Variants in ATXN1 observed in about 807,000 individuals in gnomAD.
The protein encoded by ATXN1 is ataxin 1, also known as ataxin-1.
A neutral mutation model predicts 56.4 loss-of-function variants in ATXN1; 8 were observed. The ratio of observed to expected loss-of-function variants is 0.14; its 90% CI spans 0.08 to 0.26. The LOEUF is 0.26. Ranked by LOEUF, ATXN1 falls within the 10% of genes least tolerant of loss-of-function variation. The pLI, the probability that ATXN1 is intolerant of heterozygous loss-of-function variation, is 1.00. For missense variants in ATXN1, 987 were observed against 1,106.5 expected (o/e 0.89, Z 1.53); for synonymous variants, 514 against 494.6 (o/e 1.04, Z -0.52).
chr6:16,327,848 C>G lies in ATXN1; in HGVS notation c.463G>C (p.Val155Leu), dbSNP rs760989672. The change falls in exon 7 of 8, where the codon GTC (valine) becomes CTC (leucine). Residue 155 changes from valine to leucine, a missense_variant. Val to Leu is a conservative substitution (Grantham distance 32). Transcript: ENST00000436367. The stretch of plus-strand genomic sequence containing the variant: ...GCGGCCGAGGCCACTGCACTGGTGA[C>G]GGGGTTGGCGGTTGGGGGGATCAGC... ...SQLIPPTANPVTSAVASAAGA... is the reference protein window; with the variant it reads ...SQLIPPTANPLTSAVASAAGA... 6.2e-7 allele frequency: 1 copy of G among 1,607,756 alleles called. No homozygotes were observed. The highest frequency in any genetic ancestry group is 1.3e-5 in the African/African-American group (1 of 74,932).
intron 4 of ATXN1, among the ~76,000 whole-genome samples, chr6:16,575,749 T>G (rs1244183366): frequency 6.6e-6 from 1 of 152,184 alleles, no homozygotes; most frequent in Non-Finnish European, 1.5e-5. Flanking sequence ...AAGTCCTTAT[T>G]AAAAGTATTA....
chr6:16,306,644 T>G lies in ATXN1; in HGVS notation c.2133A>C (p.Ser711=). The change falls in exon 8 of 8, where the codon TCA becomes TCC. Residue 711 remains serine (S), a synonymous_variant. Coordinates refer to ENST00000436367, the MANE Select transcript of ATXN1 (RefSeq NM_001128164.2). This position sits in a 1 kb window ranked among gnomAD's most constrained non-coding sequence, Gnocchi z 5.2. ...TGCTGCCCGCCAGGCCGTCGGCCTTTGAGTGCTTCAGCAGGACGCTGGCGG... is the reference window on the plus strand; with the variant it reads ...TGCTGCCCGCCAGGCCGTCGGCCTTGGAGTGCTTCAGCAGGACGCTGGCGG... ...VDPASVLLKH[S]KADGLAGSRH... The G allele has an allele frequency of 1.2e-6, 2 of 1,614,232 alleles. No homozygotes were observed. Among genetic ancestry groups the G allele is most frequent in the Non-Finnish European group, 1.7e-6 (2 of 1,180,032 alleles).
At chr6:16,755,641 T>G (rs1760865766) in intron 1 of ATXN1, among the ~76,000 whole-genome samples, 1 of 151,646 alleles carries the variant, frequency 6.6e-6, no homozygotes, top group Admixed American at 6.6e-5. Flanking sequence ...TATAGGTTAG[T>G]AGCTACAATA....
intron 4 of ATXN1, among the ~76,000 whole-genome samples, chr6:16,562,899 T>G (rs958681254): frequency 1.3e-5 from 2 of 151,376 alleles, no homozygotes; most frequent in Non-Finnish European, 2.9e-5. Context: ...AAGGTTTTGG[T>G]TAAGATGAAG....
chr6:16,653,827 G>T (rs1365211095), intron 3 of ATXN1, among the ~76,000 whole-genome samples: 2 of 152,214 alleles, frequency 1.3e-5, no homozygotes, highest in South Asian at 4.1e-4. Flanking sequence ...CTCATGGCTT[G>T]ATGTTGCTTA....
chr6:16,412,866 G>T (rs920759109), intron 6 of ATXN1, among the ~76,000 whole-genome samples: 7 of 152,220 alleles, frequency 4.6e-5, no homozygotes, highest in African/African-American at 1.4e-4. Context: ...TGACTGCCTT[G>T]GGGAGAGAGT....
At chr6:16,706,403 G>A (rs914331751) in intron 2 of ATXN1, among the ~76,000 whole-genome samples, 3 of 152,118 alleles carry the variant, frequency 2.0e-5, no homozygotes, top group African/African-American at 7.2e-5. Context: ...GAAAGAGAAC[G>A]AGAGGCAGAG....
intron 6 of ATXN1, among the ~76,000 whole-genome samples, chr6:16,367,169 A>G (rs916913220): frequency 2.0e-5 from 3 of 152,194 alleles, no homozygotes; most frequent in African/African-American, 7.2e-5. Flanking sequence ...AGTCTCATGG[A>G]AAGCACACAT....
At chr6:16,694,683 A>G (rs1759124110) in intron 2 of ATXN1, among the ~76,000 whole-genome samples, 1 of 152,226 alleles carries the variant, frequency 6.6e-6, no homozygotes, top group South Asian at 2.1e-4. Context: ...AGAGAGAAAC[A>G]AGTGGTCGTC....
chr6:16,670,679 C>T (rs1581350031), intron 2 of ATXN1, among the ~76,000 whole-genome samples: 1 of 152,158 alleles, frequency 6.6e-6, no homozygotes, highest in Admixed American at 6.5e-5. Context: ...ACTGCCAAGT[C>T]GCATTGATGC....
intron 2 of ATXN1, among the ~76,000 whole-genome samples, chr6:16,747,035 A>C (rs1246178611): frequency 6.6e-6 from 1 of 152,212 alleles, no homozygotes; most frequent in Non-Finnish European, 1.5e-5. Flanking sequence ...CTACCAGTCC[A>C]ACAGCACACC....
At chr6:16,636,021 C>T (rs1763590781) in intron 3 of ATXN1, among the ~76,000 whole-genome samples, 1 of 152,160 alleles carries the variant, frequency 6.6e-6, no homozygotes, top group Non-Finnish European at 1.5e-5. Context: ...AAGTCACTCG[C>T]CCGTGGAGAT....
chr6:16,760,890 G>A lies in ATXN1; in HGVS notation c.-730+408C>T, dbSNP rs1761071416. Among the ~76,000 whole-genome samples, 1 of 146,864 alleles carries A rather than the reference G, an allele frequency of 6.8e-6. No individual in the cohort carries two copies. On this transcript the variant is annotated intron_variant, in intron 1 of 7. Coordinates refer to ENST00000436367, the MANE Select transcript of ATXN1 (RefSeq NM_001128164.2). The surrounding 1 kb of genome is among the most constrained non-coding windows in gnomAD (Gnocchi z 5.3). Reference sequence around the variant, plus strand: ...CGCACTTGCGACCGGACCAGCAGCCGGGGGAGCGGGGCGCCGCCGCCGCTC... The same window carrying A: ...CGCACTTGCGACCGGACCAGCAGCCAGGGGAGCGGGGCGCCGCCGCCGCTC...
intron 6 of ATXN1, among the ~76,000 whole-genome samples, chr6:16,456,582 G>A (rs1056095492): frequency 1.3e-5 from 2 of 152,186 alleles, no homozygotes; most frequent in East Asian, 3.8e-4. Context: ...GGTTGGCCCT[G>A]CAGCCATGAG....
At chr6:16,721,232 A>G (rs1201431434) in intron 2 of ATXN1, among the ~76,000 whole-genome samples, 1 of 152,242 alleles carries the variant, frequency 6.6e-6, no homozygotes, top group Non-Finnish European at 1.5e-5. Flanking sequence ...AGCTACTACG[A>G]ACAAGGTTAC....
chr6:16,552,270 C>T (rs977367218), intron 4 of ATXN1, among the ~76,000 whole-genome samples: 1 of 152,196 alleles, frequency 6.6e-6, no homozygotes, highest in Admixed American at 6.5e-5. Context: ...TTCTAACCAG[C>T]TCACTCTATG....
At chr6:16,707,693 A>C (rs770072662) in intron 2 of ATXN1, among the ~76,000 whole-genome samples, 1 of 152,182 alleles carries the variant, frequency 6.6e-6, no homozygotes, top group Non-Finnish European at 1.5e-5. Flanking sequence ...TAGAGGGAAC[A>C]CTGGGGAAAA....
chr6:16,750,321 C>A (rs1760671736), intron 2 of ATXN1, among the ~76,000 whole-genome samples: 1 of 152,162 alleles, frequency 6.6e-6, no homozygotes, highest in Non-Finnish European at 1.5e-5. Flanking sequence ...ATGAATGAAT[C>A]ATTTCTTTAC....
intron 2 of ATXN1, among the ~76,000 whole-genome samples, chr6:16,744,592 C>A (rs942769070): frequency 1.3e-5 from 2 of 151,930 alleles, no homozygotes; most frequent in Non-Finnish European, 2.9e-5. Context: ...GAAACCGGCA[C>A]AGGGTGGGTG....
Sources: allele counts gnomAD v4.1 joint callset (sites outside exome capture counted in the v4.1 genomes callset), GRCh38; gene constraint gnomAD v4.1.1; non-coding constraint Gnocchi (gnomAD v3.1); transcripts MANE v1.5; gene names NCBI Gene and HGNC (gene_info 2026-07-23, HGNC 2026-07-21).